Variants in PAN3 observed in about 807,000 individuals in gnomAD.
PAN3 encodes PAN2-PAN3 deadenylation complex subunit PAN3.
Under a neutral mutation model 96.2 loss-of-function variants are expected in PAN3, and 19 were observed. The observed-to-expected ratio is 0.20, with a 90% confidence interval of 0.14 to 0.29. PAN3 has a LOEUF of 0.29. Among genes scored for constraint, PAN3 ranks in the 10% least tolerant of loss-of-function variants. The pLI, the probability that PAN3 is intolerant of heterozygous loss-of-function variation, is 1.00. For synonymous variants in PAN3, 433 were observed against 406.6 expected, an observed-to-expected ratio of 1.06 and a Z score of -0.78; for missense variants, 882 against 1,108.1, an observed-to-expected ratio of 0.80 and a Z score of 2.90.
chr13:28,245,664 C>G (rs1884113767), intron 6 of PAN3, among the ~76,000 whole-genome samples: 2 of 152,116 alleles, frequency 1.3e-5, no homozygotes, highest in Non-Finnish European at 2.9e-5. Context: ...ATCTGTTAAC[C>G]AACACTTCCC....
intron 6 of PAN3, among the ~76,000 whole-genome samples, chr13:28,238,223 A>G (rs1410752331): frequency 6.6e-6 from 1 of 152,222 alleles, no homozygotes; most frequent in Non-Finnish European, 1.5e-5. Context: ...GAGATTCCTC[A>G]TTTGAACCAA....
At position 28,267,014 on chromosome 13, in the gene PAN3, A is replaced by C. The variant is rs970289567; in HGVS notation, c.1574-81A>C. On this transcript the variant is annotated intron_variant, in intron 10 of 18. Coordinates refer to ENST00000380958, the MANE Select transcript of PAN3 (RefSeq NM_175854.8). ...AGTACCTCATGAGCAATGTATAAAT[A>C]TGGCAATTTTTTTCCATTTCTGATG... 1.1e-5 allele frequency: 15 copies of C among 1,385,954 alleles called. No homozygotes were observed. In the East Asian group the frequency reaches 3.2e-4, roughly 30 times the overall value. The allele number at this position is 1,385,954 out of a possible 1,614,324, so 85.9% of individuals were successfully genotyped here.
intron 1 of PAN3, among the ~76,000 whole-genome samples, chr13:28,145,869 C>A (rs999208471): frequency 6.6e-6 from 1 of 150,838 alleles, no homozygotes; most frequent in Non-Finnish European, 1.5e-5. Flanking sequence ...AAGTGATTCT[C>A]AATTCTCATG....
At chr13:28,271,002 T>A (rs1886576153) in intron 13 of PAN3, 136 bp downstream of exon 13, 1 of 974,064 alleles carries the variant, frequency 1.0e-6, no homozygotes, top group South Asian at 1.9e-5. Context: ...TGAATTCATT[T>A]GTAAGCTTTT....
At position 28,199,308 on chromosome 13, in the gene PAN3, G is replaced by A. The variant is rs770796777; in HGVS notation, c.852+1962G>A. ...CCACGACTGCCCCCATTATCCTGGT[G>A]GCAGTTCTGAGGTACTTTTTTTTTT... On this transcript the variant is annotated intron_variant, in intron 5 of 18. Transcript: ENST00000380958. Among the ~76,000 whole-genome samples, 7 of 151,958 alleles carry A rather than the reference G, an allele frequency of 4.6e-5. No homozygotes were observed. In the East Asian group the frequency reaches 1.3e-3, roughly 29 times the overall value.
At chr13:28,198,997 AG>A (rs1566179796) in intron 5 of PAN3, among the ~76,000 whole-genome samples, 1 of 152,252 alleles carries the variant, frequency 6.6e-6, no homozygotes, top group African/African-American at 2.4e-5. Flanking sequence ...AAGAAAAGAC[AG>A]GGGTTTCATA....
intron 4 of PAN3, among the ~76,000 whole-genome samples, chr13:28,193,786 AC>A (rs1334897168): frequency 1.3e-5 from 2 of 151,324 alleles, no homozygotes; most frequent in Non-Finnish European, 2.9e-5. Flanking sequence ...CCAAAGAGCA[AC>A]AACCTTTTTT....
At chr13:28,291,408 T>TG (rs1472537295) in intron 18 of PAN3, among the ~76,000 whole-genome samples, 2 of 152,226 alleles carry the variant, frequency 1.3e-5, no homozygotes, top group African/African-American at 4.8e-5. Context: ...AAAGATCATA[T>TG]ACTAGCATTT....
At chr13:28,250,691 A>T (rs1884641936) in intron 6 of PAN3, among the ~76,000 whole-genome samples, 1 of 151,994 alleles carries the variant, frequency 6.6e-6, no homozygotes, top group Admixed American at 6.6e-5. Flanking sequence ...TTTTGTAGAG[A>T]CGGGGTTTCA....
chr13:28,189,900 T>C (rs12864249), intron 4 of PAN3, among the ~76,000 whole-genome samples: 3,028 of 152,266 alleles, frequency 0.02, 65 homozygotes, highest in Admixed American at 0.03. Context: ...TCAAACCTTT[T>C]CTTCTTGAAA....
chr13:28,260,488 C>CGAG lies in PAN3; in HGVS notation c.1291_1292insAGG (p.His430_Val431insGlu). 6.2e-7 allele frequency: 1 copy of CGAG among 1,613,528 alleles called. No individual in the cohort carries two copies. Among genetic ancestry groups the CGAG allele is most frequent in the Non-Finnish European group, 8.5e-7 (1 of 1,179,560 alleles). On this transcript the variant is annotated inframe_insertion, in exon 8 of 19. Transcript: ENST00000380958. ...ATATTTATCCTCCAACTGCACCTCA[C>CGAG]GTTGCTTATATGCAACCGAAAGCAA...
At chr13:28,261,569 A>C in intron 9 of PAN3, 111 bp downstream of exon 9, 2 of 868,122 alleles carry the variant, frequency 2.3e-6, no homozygotes, top group Non-Finnish European at 3.4e-6. Context: ...CTGGTGGCTC[A>C]TACCTGTAAT....
intron 4 of PAN3, among the ~76,000 whole-genome samples, chr13:28,184,841 A>G (rs1436282707): frequency 4.6e-5 from 7 of 152,086 alleles, no homozygotes; most frequent in East Asian, 1.9e-4. Context: ...TTTTAAATTC[A>G]TTGTAAGAGG....
intron 6 of PAN3, among the ~76,000 whole-genome samples, chr13:28,245,219 G>A (rs1472247732): frequency 6.6e-6 from 1 of 152,086 alleles, no homozygotes; most frequent in African/African-American, 2.4e-5. Context: ...TTATTTTAGG[G>A]TAGAATTGAC....
intron 4 of PAN3, among the ~76,000 whole-genome samples, chr13:28,196,837 G>C (rs932368499): frequency 6.6e-6 from 1 of 152,120 alleles, no homozygotes; most frequent in African/African-American, 2.4e-5. Flanking sequence ...AGTGAGAATA[G>C]GTAAGTGACA....
intron 5 of PAN3, among the ~76,000 whole-genome samples, chr13:28,200,521 A>C (rs1005411412): frequency 3.3e-5 from 5 of 152,190 alleles, no homozygotes; most frequent in Admixed American, 6.5e-5. Flanking sequence ...TATTCTCTTC[A>C]GTGCTGGATT....
chr13:28,259,300 G>GT (rs199522105), intron 7 of PAN3, among the ~76,000 whole-genome samples: 4,909 of 149,052 alleles, frequency 0.033, 108 homozygotes, highest in Non-Finnish European at 0.04. Flanking sequence ...GCTAATTTGT[G>GT]TTTTTTTTGT....
upstream of PAN3, chr13:28,138,430 T>A (rs1202270182): frequency 6.9e-6 from 2 of 290,150 alleles, no homozygotes; most frequent in African/African-American, 4.7e-5. Flanking sequence ...AACGAGAGAG[T>A]GAGTGAGAGA....
chr13:28,144,318 G>A (rs998771836), intron 1 of PAN3, among the ~76,000 whole-genome samples: 5 of 146,192 alleles, frequency 3.4e-5, no homozygotes, highest in East Asian at 2.1e-4. Context: ...CTGGGTTCAC[G>A]CCATTCCTGC....
Sources: allele counts gnomAD v4.1 joint callset (sites outside exome capture counted in the v4.1 genomes callset), GRCh38; gene constraint gnomAD v4.1.1; transcripts MANE v1.5; gene names NCBI Gene and HGNC (gene_info 2026-07-23, HGNC 2026-07-21).